Variants in WSCD2 observed in about 807,000 individuals in gnomAD.
The protein encoded by WSCD2 is WSC domain sialate O sulfotransferase 2.
A neutral mutation model predicts 55.7 loss-of-function variants in WSCD2; 28 were observed. The observed-to-expected ratio is 0.50, with a 90% CI of 0.37 to 0.69. The LOEUF is 0.69. WSCD2 is among the 30% of genes least tolerant of loss of function. The pLI is 0.00. For synonymous variants in WSCD2, 301 were observed against 301.9 expected (o/e 1.00, Z 0.03); for missense variants, 616 against 762.1 (o/e 0.81, Z 2.26).
intron 1 of WSCD2, chr12:108,149,965 G>A (rs1877803236): frequency 6.6e-6 from 1 of 152,066 alleles, no homozygotes; most frequent in African/African-American, 2.4e-5. Flanking sequence ...AGTGAGGTCG[G>A]GCAATTTGAC....
intron 1 of WSCD2, among the ~76,000 whole-genome samples, chr12:108,166,679 T>C (rs1204744692): frequency 1.3e-5 from 2 of 152,092 alleles, no homozygotes; most frequent in Non-Finnish European, 2.9e-5. Flanking sequence ...GCCACCCCAG[T>C]TTCACTATTT....
chr12:108,135,970 A>G (rs1876166181), intron 1 of WSCD2, among the ~76,000 whole-genome samples: 1 of 152,256 alleles, frequency 6.6e-6, no homozygotes, highest in Admixed American at 6.5e-5. Flanking sequence ...GGCCCTTTAC[A>G]GAAAAAACTT....
intron 3 of WSCD2, among the ~76,000 whole-genome samples, chr12:108,207,495 G>A (rs1419349573): frequency 6.8e-6 from 1 of 146,754 alleles, no homozygotes; most frequent in Non-Finnish European, 1.5e-5. Flanking sequence ...TCAGCCTCCT[G>A]AGTAGCTGGG....
At chr12:108,222,466 A>G (rs946027358) in intron 4 of WSCD2, among the ~76,000 whole-genome samples, 1 of 152,260 alleles carries the variant, frequency 6.6e-6, no homozygotes, top group Non-Finnish European at 1.5e-5. Context: ...AGCAGAGCAG[A>G]TGACACATAA....
intron 8 of WSCD2, among the ~76,000 whole-genome samples, chr12:108,247,493 A>G (rs1159224368): frequency 3.3e-5 from 5 of 152,304 alleles, no homozygotes; most frequent in East Asian, 1.9e-4. Flanking sequence ...GAGAAACAGC[A>G]TTGAGGTGAG....
Position 108,250,171 on chromosome 12 carries a change from A to AGTGTGTGTGAGTGTGT in WSCD2, c.*1837_*1838insAGTGTGTGTGTGTGTG, listed in dbSNP as rs1555247307. The AGTGTGTGTGAGTGTGT allele has an allele frequency of 8.7e-4, 128 of 146,602 alleles. No homozygotes were observed. The highest frequency in any genetic ancestry group is 2.8e-3 in the African/African-American group (111 of 39,324). The allele number at this position is 146,602 out of a possible 1,614,324, so 9.1% of individuals were successfully genotyped here. A position where few individuals can be genotyped will look rare whatever the true frequency, so the allele number is the denominator to read the frequency against. On this transcript the variant is annotated 3_prime_UTR_variant, in exon 9 of 9. Transcript: ENST00000547525. ...AGGTTCACAAATGGGATGTTTTCCTAGTGTGTGTGTGTGTGTGTGTGTGTG... is the reference window on the plus strand; with the variant it reads ...AGGTTCACAAATGGGATGTTTTCCTAGTGTGTGTGAGTGTGTGTGTGTGTGTGTGTGTGTGTGTGTG...
At chr12:108,241,815 C>G (rs1889771040) in intron 8 of WSCD2, among the ~76,000 whole-genome samples, 2 of 152,114 alleles carry the variant, frequency 1.3e-5, no homozygotes, top group Admixed American at 1.3e-4. Context: ...ATGAGTGTAT[C>G]CATATAACCA....
chr12:108,199,332 G>A (rs781247223), intron 2 of WSCD2, among the ~76,000 whole-genome samples: 6 of 152,298 alleles, frequency 3.9e-5, no homozygotes, highest in Middle Eastern at 3.4e-3. Flanking sequence ...ATCATGGCCC[G>A]GGAGTGGGAG....
In WSCD2 at chr12:108,248,523, C is replaced by G; in HGVS notation, c.*180C>G. The G allele has an allele frequency of 7.1e-7, 1 of 1,418,240 alleles. No homozygotes were observed. The highest frequency in any genetic ancestry group is 9.2e-7 in the Non-Finnish European group (1 of 1,089,750). The allele number at this position is 1,418,240 out of a possible 1,614,324, so 87.9% of individuals were successfully genotyped here. ...GAGGAGGCTCAAGGGAAGAGATTGC[C>G]CAGGCACTACCACTCTGCTCACATG... is the stretch of plus-strand genomic sequence containing the variant. On this transcript the variant is annotated 3_prime_UTR_variant, in exon 9 of 9. Coordinates refer to ENST00000547525, the MANE Select transcript of WSCD2 (RefSeq NM_014653.4). The surrounding 1 kb of genome is among the most constrained non-coding windows in gnomAD (Gnocchi z 4.3).
chr12:108,188,325 T>A, intron 1 of WSCD2, among the ~76,000 whole-genome samples: 1 of 152,092 alleles, frequency 6.6e-6, no homozygotes, highest in East Asian at 1.9e-4. Context: ...TTTCCTGGTG[T>A]GTACATGCTT....
chr12:108,185,645 G>A lies in WSCD2; in HGVS notation c.-551-9637G>A, dbSNP rs1023277357. 3.2e-4 allele frequency among the ~76,000 whole-genome samples: 48 copies of A among 152,298 alleles called. 1 individual carries two copies. The highest frequency in any genetic ancestry group is 1.0e-4 in the Non-Finnish European group (7 of 68,028). Reference sequence around the variant, plus strand: ...AAGATAACATTTCTCCTTACTGTATGTGAGTCAATGATAGCTTACTCTACG... The same window carrying A: ...AAGATAACATTTCTCCTTACTGTATATGAGTCAATGATAGCTTACTCTACG... On this transcript the variant is annotated intron_variant, in intron 1 of 8. Transcript: ENST00000547525.
chr12:108,140,445 C>G (rs530286529), intron 1 of WSCD2, among the ~76,000 whole-genome samples: 2 of 152,294 alleles, frequency 1.3e-5, no homozygotes, highest in African/African-American at 4.8e-5. Context: ...TGGGGATTCT[C>G]TGGTCATCAG....
At chr12:108,208,424 T>C (rs1885704291) in intron 3 of WSCD2, among the ~76,000 whole-genome samples, 2 of 152,094 alleles carry the variant, frequency 1.3e-5, no homozygotes, top group Admixed American at 1.3e-4. Flanking sequence ...TGGATGTGCT[T>C]TGCAAGGTGC....
At chr12:108,172,292 A>G (rs1016031609) in intron 1 of WSCD2, among the ~76,000 whole-genome samples, 1 of 152,208 alleles carries the variant, frequency 6.6e-6, no homozygotes, top group Non-Finnish European at 1.5e-5. Flanking sequence ...ATCATACCCA[A>G]TTATCACAAA....
At chr12:108,147,051 G>A (rs375803714) in intron 1 of WSCD2, among the ~76,000 whole-genome samples, 12 of 152,156 alleles carry the variant, frequency 7.9e-5, no homozygotes, top group Admixed American at 5.9e-4. Flanking sequence ...AACTGGTTGC[G>A]GTTTGCCTAG....
At chr12:108,224,277 G>A (rs1156715000) in intron 4 of WSCD2, among the ~76,000 whole-genome samples, 1 of 152,042 alleles carries the variant, frequency 6.6e-6, no homozygotes, top group Non-Finnish European at 1.5e-5. Context: ...AGAGGGAGAG[G>A]AGAACCCTGG....
intron 1 of WSCD2, among the ~76,000 whole-genome samples, chr12:108,145,562 C>T (rs1382114456): frequency 6.6e-6 from 1 of 152,212 alleles, no homozygotes; most frequent in Non-Finnish European, 1.5e-5. Flanking sequence ...ATTGGTACAA[C>T]TGCTTTGCAA....
At chr12:108,159,154 T>A (rs1191904395) in intron 1 of WSCD2, among the ~76,000 whole-genome samples, 1 of 152,214 alleles carries the variant, frequency 6.6e-6, no homozygotes, top group African/African-American at 2.4e-5. Flanking sequence ...TGGTTGTTCC[T>A]CCATCTGGTT....
At chr12:108,168,346 A>G (rs905719724) in intron 1 of WSCD2, among the ~76,000 whole-genome samples, 3 of 152,156 alleles carry the variant, frequency 2.0e-5, no homozygotes, top group African/African-American at 7.2e-5. Flanking sequence ...AGCAAGTCAC[A>G]TATCTTCCCT....
Sources: allele counts gnomAD v4.1 joint callset (sites outside exome capture counted in the v4.1 genomes callset), GRCh38; gene constraint gnomAD v4.1.1; non-coding constraint Gnocchi (gnomAD v3.1); transcripts MANE v1.5; gene names NCBI Gene and HGNC (gene_info 2026-07-23, HGNC 2026-07-21).